The following CDC42BPA variants were observed in gnomAD, a reference collection of about 807,000 sequenced individuals.
The protein encoded by CDC42BPA is CDC42 binding protein kinase alpha.
In CDC42BPA, 80 loss-of-function variants were observed where a neutral mutation model predicts 223.5. The observed-to-expected ratio is 0.36, with a 90% CI of 0.30 to 0.43. The LOEUF (loss-of-function observed/expected upper bound fraction) is 0.43. Among genes scored for constraint, CDC42BPA ranks in the 20% least tolerant of loss-of-function variants. The pLI, the probability that CDC42BPA is intolerant of heterozygous loss-of-function variation, is 1.00. For synonymous variants in CDC42BPA, 694 were observed against 718.6 expected (o/e 0.97, Z 0.55); for missense variants, 1,743 against 2,099.9 (o/e 0.83, Z 3.32).
intron 26 of CDC42BPA, 91 bp from the exon 27 acceptor site, chr1:227,033,506 T>C: frequency 1.3e-6 from 1 of 752,202 alleles, no homozygotes; most frequent in East Asian, 2.6e-5. Context: ...ACCCAAAGCT[T>C]AACTGCACCA....
At chr1:227,240,183 C>G (rs956271245) in intron 2 of CDC42BPA, among the ~76,000 whole-genome samples, 3 of 151,898 alleles carry the variant, frequency 2.0e-5, no homozygotes, top group African/African-American at 7.2e-5. Context: ...TTATCAGAGT[C>G]AAAAAACTTA....
chr1:227,156,208 T>C (rs949138722), intron 6 of CDC42BPA, among the ~76,000 whole-genome samples: 13 of 151,952 alleles, frequency 8.6e-5, no homozygotes, highest in African/African-American at 2.9e-4. Context: ...TAGAATGCAA[T>C]GGCACCATCA....
At chr1:227,150,131 G>A (rs896668466) in intron 6 of CDC42BPA, among the ~76,000 whole-genome samples, 1 of 151,828 alleles carries the variant, frequency 6.6e-6, no homozygotes, top group African/African-American at 2.4e-5. Context: ...GGCTGAGGTG[G>A]GAGGATTGCT....
At chr1:227,236,192 T>C (rs1189319821) in intron 2 of CDC42BPA, among the ~76,000 whole-genome samples, 2 of 152,202 alleles carry the variant, frequency 1.3e-5, no homozygotes, top group South Asian at 2.1e-4. Context: ...AAAACAAAAC[T>C]GGGTGGTCCC....
chr1:227,193,339 C>T (rs1234584157), intron 5 of CDC42BPA, among the ~76,000 whole-genome samples: 1 of 152,000 alleles, frequency 6.6e-6, no homozygotes, highest in Non-Finnish European at 1.5e-5. Context: ...GGATTACAAG[C>T]GTGAGCAACC....
At chr1:227,159,021 G>C (rs982830643) in intron 6 of CDC42BPA, among the ~76,000 whole-genome samples, 1 of 152,152 alleles carries the variant, frequency 6.6e-6, no homozygotes, top group African/African-American at 2.4e-5. Flanking sequence ...AGGGATAATA[G>C]TATTATGCTG....
At chr1:227,238,364 CAA>C (rs1227987646) in intron 2 of CDC42BPA, among the ~76,000 whole-genome samples, 8 of 151,752 alleles carry the variant, frequency 5.3e-5, no homozygotes, top group East Asian at 1.9e-4. Flanking sequence ...AACAAACAAA[CAA>C]ACACGACATC....
intron 14 of CDC42BPA, among the ~76,000 whole-genome samples, chr1:227,102,838 A>C (rs61836468): frequency 6.6e-6 from 1 of 152,038 alleles, no homozygotes; most frequent in South Asian, 2.1e-4. Flanking sequence ...AAATTTTAAA[A>C]TCCAAATGAT....
chr1:227,112,936 T>C (rs202041880), intron 12 of CDC42BPA, 23 bp from the exon 13 acceptor site: 554 of 1,607,712 alleles, frequency 3.4e-4, no homozygotes, highest in Admixed American at 5.3e-4. Flanking sequence ...AAAAAGAATA[T>C]AAGTTACCAA....
At chr1:227,216,316 G>A (rs544206690) in intron 2 of CDC42BPA, among the ~76,000 whole-genome samples, 4 of 152,136 alleles carry the variant, frequency 2.6e-5, no homozygotes, top group Non-Finnish European at 4.4e-5. Context: ...TGAAATGACC[G>A]CTAATTATCA....
At chr1:227,064,645 G>T (rs1216152044) in intron 21 of CDC42BPA, among the ~76,000 whole-genome samples, 1 of 152,138 alleles carries the variant, frequency 6.6e-6, no homozygotes, top group African/African-American at 2.4e-5. Context: ...CCAAGACTGG[G>T]CATGCACGGT....
intron 2 of CDC42BPA, among the ~76,000 whole-genome samples, chr1:227,250,730 TTTG>T (rs1467429509): frequency 6.6e-6 from 1 of 151,824 alleles, no homozygotes; most frequent in Non-Finnish European, 1.5e-5. Flanking sequence ...AATCAGATAA[TTTG>T]TTATCAGCAG....
intron 2 of CDC42BPA, among the ~76,000 whole-genome samples, chr1:227,216,126 A>C (rs1351276185): frequency 4.4e-5 from 6 of 137,106 alleles, no homozygotes; most frequent in South Asian, 2.3e-4. Flanking sequence ...CTCTCTATAT[A>C]TATATATACA....
chr1:227,222,162 G>A (rs11801994), intron 2 of CDC42BPA, among the ~76,000 whole-genome samples: 23,460 of 151,478 alleles, frequency 0.15, 2,239 homozygotes, highest in African/African-American at 0.25. Flanking sequence ...AGACTGCAGT[G>A]AGCTGTGATT....
chr1:227,184,817 G>A (rs1488894778), intron 5 of CDC42BPA, among the ~76,000 whole-genome samples: 3 of 152,108 alleles, frequency 2.0e-5, no homozygotes, highest in African/African-American at 4.8e-5. Context: ...GGGAAGAACT[G>A]ACATCTTTAA....
chr1:227,069,150 C>T (rs1486717451), intron 21 of CDC42BPA: 2 of 152,148 alleles, frequency 1.3e-5, no homozygotes, highest in East Asian at 1.9e-4. Flanking sequence ...CACAAAGCTA[C>T]ATGATTATTA....
chr1:227,306,074 T>C (rs2148777959), intron 1 of CDC42BPA, among the ~76,000 whole-genome samples: 1 of 151,734 alleles, frequency 6.6e-6, no homozygotes, highest in South Asian at 2.1e-4. Flanking sequence ...TCTGAAAGCT[T>C]TCAGTAGTCA....
chr1:227,131,347 G>T (rs1657068263), intron 10 of CDC42BPA, among the ~76,000 whole-genome samples: 1 of 152,160 alleles, frequency 6.6e-6, no homozygotes, highest in Non-Finnish European at 1.5e-5. Context: ...ATTCTACATT[G>T]CAAGTGTTGG....
intron 23 of CDC42BPA, among the ~76,000 whole-genome samples, chr1:227,045,124 T>C (rs181347117): frequency 1.1e-3 from 162 of 152,322 alleles, no homozygotes; most frequent in African/African-American, 3.8e-3. Flanking sequence ...CTCTCTTTCC[T>C]TGTCCCCTTC....
Sources: gnomAD v4.1 joint callset for allele counts (sites outside exome capture counted in the v4.1 genomes callset) on GRCh38, gnomAD v4.1.1 for gene constraint, MANE v1.5 for transcripts, NCBI Gene and HGNC (gene_info 2026-07-23, HGNC 2026-07-21) for gene names.